Variants in NLRC5 observed in about 807,000 individuals in gnomAD.
NLRC5 encodes the protein NLR family CARD domain containing 5.
A neutral mutation model predicts 206.9 loss-of-function variants in NLRC5; 114 were observed. The observed-to-expected ratio is 0.55, with a 90% CI of 0.47 to 0.64. NLRC5 has a LOEUF of 0.64. Among genes scored for constraint, NLRC5 ranks in the 30% least tolerant of loss-of-function variants. The probability of loss-of-function intolerance (pLI) is 0.00; values close to 1 mark genes in which losing one functional copy is unlikely to be tolerated. For synonymous variants in NLRC5, 952 were observed against 962.8 expected (o/e 0.99, Z 0.21); for missense variants, 2,008 against 2,305.5 (o/e 0.87, Z 2.64).
chr16:57,031,100 C>T (rs576658989), intron 10 of NLRC5, among the ~76,000 whole-genome samples: 2 of 149,422 alleles, frequency 1.3e-5, no homozygotes, highest in East Asian at 3.9e-4. Flanking sequence ...ATCTCCATCT[C>T]AAATTTAAAA....
intron 24 of NLRC5, among the ~76,000 whole-genome samples, chr16:57,053,602 C>A (rs1296723814): frequency 1.3e-5 from 2 of 152,176 alleles, no homozygotes; most frequent in East Asian, 3.8e-4. Context: ...AATCTCGGCT[C>A]ACTGCAACCT....
At position 57,076,652 on chromosome 16, in the gene NLRC5, C is replaced by A. The variant is rs536774990; in HGVS notation, c.4752-167C>A. On this transcript the variant is annotated intron_variant, in intron 39 of 48. Transcript: ENST00000688547. Reference sequence around the variant, plus strand: ...CACCTGGACACTGGGGACAATAATTCCCACCTTGCTCACCACTCCCCACCT... The same window carrying A: ...CACCTGGACACTGGGGACAATAATTACCACCTTGCTCACCACTCCCCACCT... 2.0e-5 allele frequency among the ~76,000 whole-genome samples: 3 copies of A among 152,340 alleles called. No individual in the cohort carries two copies. In the South Asian group the frequency reaches 6.2e-4, roughly 32 times the overall value.
chr16:57,055,410 T>G, intron 26 of NLRC5, 23 bp from the exon 27 acceptor site: 1 of 1,611,608 alleles, frequency 6.2e-7, no homozygotes, highest in Non-Finnish European at 8.5e-7. Flanking sequence ...CATCCCCTGC[T>G]TGTCCCCTTT....
In NLRC5 at chr16:57,028,423, T is replaced by C. The variant is rs368461880; in HGVS notation, c.2243+38T>C. 307 of 1,522,368 alleles carry C rather than the reference T, an allele frequency of 2.0e-4. No individual in the cohort carries two copies. In the African/African-American group the frequency reaches 3.9e-3, roughly 19 times the overall value. The allele number at this position is 1,522,368 out of a possible 1,614,324, so 94.3% of individuals were successfully genotyped here. A position where few individuals can be genotyped will look rare whatever the true frequency, so the allele number is the denominator to read the frequency against. Reference sequence around the variant, plus strand: ...CAGGAGGGCTCACTGACTGGGGAGATGAGCCACTGCCCAGGTCCCAGAGTC... The same window carrying C: ...CAGGAGGGCTCACTGACTGGGGAGACGAGCCACTGCCCAGGTCCCAGAGTC... On this transcript the variant is annotated intron_variant, in intron 8 of 48. Transcript: ENST00000688547.
rs776735305 is a variant in NLRC5 at position 57,070,590 on chromosome 16, G to A, written c.4639G>A (p.Glu1547Lys). 1.9e-6 allele frequency: 3 copies of A among 1,614,166 alleles called. No homozygotes were observed. The highest frequency in any genetic ancestry group is 2.7e-5 in the African/African-American group (2 of 75,066). ...CACCAAGGCGCTGATGAGGGCCCTTGAGGGGAAATGGATGCTAAAGAGGCT... is the reference window on the plus strand; with the variant it reads ...CACCAAGGCGCTGATGAGGGCCCTTAAGGGGAAATGGATGCTAAAGAGGCT... ...EGTKALMRALEGKWMLKRLDL... is the reference protein window; with the variant it reads ...EGTKALMRALKGKWMLKRLDL... The change falls in exon 38 of 49, where the codon GAG (glutamate) becomes AAG (lysine). Residue 1547 changes from glutamate to lysine, a missense_variant. Glu to Lys is a moderately conservative substitution (Grantham distance 56). Coordinates refer to ENST00000688547, the MANE Select transcript of NLRC5 (RefSeq NM_001384950.1).
Position 57,042,027 on chromosome 16 carries a change from T to C in NLRC5, c.3075T>C (p.Ala1025=). Residue 1025 remains alanine (A), a synonymous_variant, in exon 19 of 49, where the codon GCT becomes GCC. Coordinates refer to ENST00000688547, the MANE Select transcript of NLRC5 (RefSeq NM_001384950.1). ...ALGDEGAARL[A]QLLPGLGALQ... is the part of the protein sequence containing the mutation. ...GGGATGAAGGTGCAGCCCGGCTGGC[T>C]CAGCTGCTCCCAGGGCTGGGAGCTC... The C allele has an allele frequency of 6.4e-7, 1 of 1,573,304 alleles. No individual in the cohort carries two copies. Among genetic ancestry groups the C allele is most frequent in the Non-Finnish European group, 8.6e-7 (1 of 1,163,576 alleles).
rs761305437 is a variant in NLRC5, at chr16:57,055,029, C to T, written c.3597-3C>T. The T allele has an allele frequency of 6.2e-7, 1 of 1,614,204 alleles. No homozygotes were observed. The highest frequency in any genetic ancestry group is 8.5e-7 in the Non-Finnish European group (1 of 1,180,050). The stretch of plus-strand genomic sequence containing the variant: ...TGTCTGACCCAGGTCCTGTCTGATC[C>T]AGGTCCCTGCACCATGCAACTTTGC... On this transcript the variant is annotated splice_polypyrimidine_tract_variant and splice_region_variant and intron_variant, in intron 25 of 48. Coordinates refer to ENST00000688547, the MANE Select transcript of NLRC5 (RefSeq NM_001384950.1).
intron 1 of NLRC5, among the ~76,000 whole-genome samples, chr16:57,015,896 G>A (rs1346419132): frequency 1.7e-5 from 2 of 120,320 alleles, no homozygotes; most frequent in Non-Finnish European, 3.2e-5. Flanking sequence ...TTGCACTCCA[G>A]CCTGGGCAAC....
At chr16:57,061,369 C>T (rs2066456984) in intron 30 of NLRC5, 79 bp from the exon 31 acceptor site, 1 of 1,419,932 alleles carries the variant, frequency 7.0e-7, no homozygotes, top group Admixed American at 1.8e-5. Flanking sequence ...CCCAATAGGC[C>T]CTCAGGGAGG....
chr16:57,047,511 C>G, intron 22 of NLRC5, 34 bp from the exon 23 acceptor site: 1 of 1,586,764 alleles, frequency 6.3e-7, no homozygotes, highest in Non-Finnish European at 8.6e-7. Flanking sequence ...TGGGCTTTCT[C>G]TGATTCCCTG....
chr16:57,082,542 A>G lies in NLRC5; in HGVS notation c.*14A>G. 6.3e-7 allele frequency: 1 copy of G among 1,577,538 alleles called. No individual in the cohort carries two copies. The highest frequency in any genetic ancestry group is 8.7e-7 in the Non-Finnish European group (1 of 1,149,148). ...TGGGGTACTTGATGGCCCCCTCAAG[A>G]CCTTTGGAATCCAGCCAAGTGATGC... On this transcript the variant is annotated 3_prime_UTR_variant, in exon 49 of 49. Coordinates refer to ENST00000688547, the MANE Select transcript of NLRC5 (RefSeq NM_001384950.1).
chr16:57,026,589 A>G lies in NLRC5; in HGVS notation c.1646A>G (p.Gln549Arg). Residue 549 changes from glutamine to arginine, a missense_variant, in exon 6 of 49, where the codon CAG becomes CGG. By Grantham distance (43) the Gln-to-Arg change is conservative. Coordinates refer to ENST00000688547, the MANE Select transcript of NLRC5 (RefSeq NM_001384950.1). ...GTTACCCTCCATTCCCGCTGGGTAC[A>G]GCGGACCAAAGCTAGACTGGGCCTC... ...QYVTLHSRWV[Q>R]RTKARLGLSD... is the part of the protein sequence containing the mutation. The G allele has an allele frequency of 6.2e-7, 1 of 1,614,216 alleles. No individual in the cohort carries two copies. Among genetic ancestry groups the G allele is most frequent in the Non-Finnish European group, 8.5e-7 (1 of 1,180,038 alleles).
chr16:57,004,147 C>G (rs574290822), intron 1 of NLRC5: 35 of 152,688 alleles, frequency 2.3e-4, no homozygotes, highest in African/African-American at 8.2e-4. Context: ...ATGTGCAAGG[C>G]GGGGACTTGT....
chr16:57,011,874 G>A (rs2059546457), intron 1 of NLRC5, among the ~76,000 whole-genome samples: 1 of 152,116 alleles, frequency 6.6e-6, no homozygotes, highest in Non-Finnish European at 1.5e-5. Context: ...AATTTCTACT[G>A]CATTATTTTT....
chr16:57,026,059 G>A lies in NLRC5; in HGVS notation c.1116G>A (p.Val372=), dbSNP rs368643974. 6.8e-6 allele frequency: 11 copies of A among 1,613,944 alleles called. No individual in the cohort carries two copies. Among genetic ancestry groups the A allele is most frequent in the Non-Finnish European group, 8.5e-6 (10 of 1,180,044 alleles). The part of the protein sequence containing the change: ...VHMLGFDGPR[V]EEYVNHFFSA... The stretch of plus-strand genomic sequence containing the variant: ...TGTTGGGCTTTGATGGGCCACGGGT[G>A]GAAGAATATGTGAATCACTTCTTCA... The change falls in exon 6 of 49, where the codon GTG becomes GTA. Residue 372 remains valine, a synonymous_variant. Transcript: ENST00000688547.
chr16:57,065,941 T>A (rs2067032414), intron 33 of NLRC5, among the ~76,000 whole-genome samples: 1 of 152,144 alleles, frequency 6.6e-6, no homozygotes, highest in Admixed American at 6.6e-5. Flanking sequence ...CCTCTCCCCA[T>A]AAGCACCCCA....
At chr16:57,077,408 C>T in intron 41 of NLRC5, 29 bp downstream of exon 41, 1 of 1,575,446 alleles carries the variant, frequency 6.3e-7, no homozygotes, top group South Asian at 1.1e-5. Flanking sequence ...AGAGGAGGGC[C>T]ACAGGGGTCA....
intron 36 of NLRC5, among the ~76,000 whole-genome samples, chr16:57,069,137 G>A (rs934242738): frequency 6.6e-6 from 1 of 152,226 alleles, no homozygotes; most frequent in Non-Finnish European, 1.5e-5. Flanking sequence ...CATAGATTAT[G>A]TGGGGAGATA....
intron 8 of NLRC5, among the ~76,000 whole-genome samples, chr16:57,028,659 AG>A (rs2061488514): frequency 6.6e-6 from 1 of 152,196 alleles, no homozygotes; most frequent in Non-Finnish European, 1.5e-5. Flanking sequence ...AAATCCCAGG[AG>A]AAGGGATAGC....
Sources: gnomAD v4.1 joint callset for allele counts (sites outside exome capture counted in the v4.1 genomes callset) on GRCh38, gnomAD v4.1.1 for gene constraint, MANE v1.5 for transcripts, NCBI Gene and HGNC (gene_info 2026-07-23, HGNC 2026-07-21) for gene names.